The following SEC22C variants were observed in gnomAD, a reference collection of about 807,000 sequenced individuals.
The protein encoded by SEC22C is SEC22 homolog C, vesicle trafficking protein.
A neutral mutation model predicts 34.7 loss-of-function variants in SEC22C; 29 were observed. The observed-to-expected ratio is 0.84, with a 90% CI of 0.62 to 1.14. The LOEUF (loss-of-function observed/expected upper bound fraction) is 1.14, where lower values mean the gene tolerates loss of function less well. SEC22C is among the 50% of genes most tolerant of loss of function. The pLI is 0.00. For synonymous variants in SEC22C, 117 were observed against 132.8 expected (o/e 0.88, Z 0.82); for missense variants, 337 against 369.0 (o/e 0.91, Z 0.71).
Position 42,552,528 on chromosome 3 carries a change from G to A in SEC22C, c.*720C>T, listed in dbSNP as rs545590264. 88 of 980,344 alleles carry A rather than the reference G, an allele frequency of 9.0e-5. No individual in the cohort carries two copies. The Admixed American group carries it at 2.0e-3, about 23-fold the overall frequency. The allele number at this position is 980,344 out of a possible 1,614,324, so 60.7% of individuals were successfully genotyped here. A position where few individuals can be genotyped will look rare whatever the true frequency, so the allele number is the denominator to read the frequency against. On this transcript the variant is annotated 3_prime_UTR_variant, in exon 7 of 7. Transcript: ENST00000264454. Reference sequence around the variant, plus strand: ...TATTCAATTAATTTTTAAAATATTCGGATATACCCTGCAAATAAATATAAA... The same window carrying A: ...TATTCAATTAATTTTTAAAATATTCAGATATACCCTGCAAATAAATATAAA...
chr3:42,566,452 GA>G (rs1703246782), intron 2 of SEC22C, among the ~76,000 whole-genome samples: 1 of 152,158 alleles, frequency 6.6e-6, no homozygotes, highest in African/African-American at 2.4e-5. Flanking sequence ...CGAGGCAGGA[GA>G]ATCACGAGGT....
At chr3:42,597,639 G>A (rs944234312) in intron 1 of SEC22C, among the ~76,000 whole-genome samples, 1 of 151,962 alleles carries the variant, frequency 6.6e-6, no homozygotes, top group African/African-American at 2.4e-5. Flanking sequence ...GCCACCCAGG[G>A]GCCACATGTG....
intron 1 of SEC22C, among the ~76,000 whole-genome samples, chr3:42,573,111 C>G (rs980967415): frequency 6.6e-6 from 1 of 152,108 alleles, no homozygotes; most frequent in East Asian, 1.9e-4. Flanking sequence ...CTCGGCCTCT[C>G]AAAGTGGCGG....
At chr3:42,599,609 G>C (rs1187415071) in intron 1 of SEC22C, among the ~76,000 whole-genome samples, 2 of 150,614 alleles carry the variant, frequency 1.3e-5, no homozygotes, top group Non-Finnish European at 3.0e-5. Context: ...GGAGAATGGC[G>C]TGAACCCGGG....
intron 1 of SEC22C, among the ~76,000 whole-genome samples, chr3:42,569,359 G>C (rs1038212329): frequency 5.9e-5 from 9 of 152,144 alleles, no homozygotes; most frequent in African/African-American, 2.2e-4. Context: ...GAAAGGAATA[G>C]AGAAGAACGG....
At chr3:42,563,970 C>T in intron 2 of SEC22C, 2 of 1,320,044 alleles carry the variant, frequency 1.5e-6, no homozygotes, top group South Asian at 2.5e-5. Flanking sequence ...TAGCCTCAGA[C>T]TTCTCCACAT....
chr3:42,567,117 C>T (rs1379541319), intron 2 of SEC22C, among the ~76,000 whole-genome samples: 3 of 152,104 alleles, frequency 2.0e-5, no homozygotes, highest in Non-Finnish European at 4.4e-5. Context: ...TATCATATTG[C>T]CCAGGCTGGT....
At chr3:42,574,572 T>C (rs1703846485) in intron 1 of SEC22C, among the ~76,000 whole-genome samples, 1 of 152,148 alleles carries the variant, frequency 6.6e-6, no homozygotes. Context: ...TTCTAAATTA[T>C]GTTCGGTGAA....
At position 42,550,464 on chromosome 3, in the gene SEC22C, G is replaced by A. The variant is rs342534; in HGVS notation, c.*2784C>T. ...AAACCTAAGCCTGGGGATTTCCCTC[G>A]GATGAAATCACCAGAACTTCTTTCC... On this transcript the variant is annotated 3_prime_UTR_variant, in exon 7 of 7. Coordinates refer to ENST00000264454, the MANE Select transcript of SEC22C (RefSeq NM_032970.4). 192,338 of 985,122 alleles carry A rather than the reference G, an allele frequency of 0.2. 20,043 individuals carry two copies. Among genetic ancestry groups the A allele is most frequent in the East Asian group, 0.47 (4,164 of 8,800 alleles). 61.0% of individuals were successfully genotyped at this position (985,122 alleles called of 1,614,324 possible).
intron 1 of SEC22C, among the ~76,000 whole-genome samples, chr3:42,581,585 GC>G (rs1319989585): frequency 6.6e-6 from 1 of 152,264 alleles, no homozygotes; most frequent in East Asian, 1.9e-4. Context: ...AGCCCTTGGC[GC>G]CCATCTGTCA....
chr3:42,564,950 GTCTC>G (rs1703144304), intron 2 of SEC22C, among the ~76,000 whole-genome samples: 2 of 152,054 alleles, frequency 1.3e-5, no homozygotes, highest in African/African-American at 4.8e-5. Flanking sequence ...AGAGATGGGG[GTCTC>G]TCTATGTTGC....
chr3:42,554,493 C>T (rs550157489), intron 6 of SEC22C, among the ~76,000 whole-genome samples: 8 of 152,228 alleles, frequency 5.3e-5, no homozygotes, highest in Non-Finnish European at 7.4e-5. Context: ...TACAGGTATG[C>T]ACCACCATAA....
Position 42,557,569 on chromosome 3 carries a change from AAAG to A in SEC22C, c.645+6_645+8del, listed in dbSNP as rs1702602803. ...ATTTAAACTGTTTTAAAAAAAAAAA[AAAG>A]GTTACCTGTAAAGAATGTTCTGCAA... On this transcript the variant is annotated splice_donor_region_variant and intron_variant, in intron 5 of 6. Coordinates refer to ENST00000264454, the MANE Select transcript of SEC22C (RefSeq NM_032970.4). 3 of 1,378,130 alleles carry A rather than the reference AAAG, an allele frequency of 2.2e-6. No individual in the cohort carries two copies. The highest frequency in any genetic ancestry group is 2.4e-5 in the East Asian group (1 of 42,246). 85.4% of individuals were successfully genotyped at this position (1,378,130 alleles called of 1,614,324 possible).
chr3:42,590,885 G>A, intron 1 of SEC22C: 1 of 1,613,556 alleles, frequency 6.2e-7, no homozygotes, highest in South Asian at 1.1e-5. Context: ...CGTGGTTCCG[G>A]AGGTTCCTCG....
chr3:42,600,992 G>T (rs1312991823), exon 1 of SEC22C: 11 of 1,549,678 alleles, frequency 7.1e-6, no homozygotes, highest in Non-Finnish European at 9.6e-6. Context: ...AGCTCTTGCC[G>T]CCACCTCGGT....
chr3:42,551,303 CT>C lies in SEC22C; in HGVS notation c.*1944del. The C allele has an allele frequency of 1.0e-6, 1 of 985,310 alleles. No homozygotes were observed. The highest frequency in any genetic ancestry group is 1.2e-6 in the Non-Finnish European group (1 of 829,920). The allele number at this position is 985,310 out of a possible 1,614,324, so 61.0% of individuals were successfully genotyped here. A position where few individuals can be genotyped will look rare whatever the true frequency, so the allele number is the denominator to read the frequency against. ...AGATGTGAAATCAGTGTAGAGACAA[CT>C]TTGGAGTTTATGTCTGAGTATGCTG... On this transcript the variant is annotated 3_prime_UTR_variant, in exon 7 of 7. Transcript: ENST00000264454.
At chr3:42,565,476 CAA>C (rs1703180591) in intron 2 of SEC22C, among the ~76,000 whole-genome samples, 1 of 152,064 alleles carries the variant, frequency 6.6e-6, no homozygotes, top group Non-Finnish European at 1.5e-5. Flanking sequence ...TTTGTCCCCC[CAA>C]AAAGATTTAC....
chr3:42,568,563 T>C (rs1421195477), intron 2 of SEC22C, among the ~76,000 whole-genome samples: 3 of 151,824 alleles, frequency 2.0e-5, no homozygotes, highest in African/African-American at 7.3e-5. Flanking sequence ...CGAGAACTGC[T>C]TGAACCCAGG....
intron 3 of SEC22C, among the ~76,000 whole-genome samples, chr3:42,563,119 T>C (rs1703021475): frequency 6.6e-6 from 1 of 152,250 alleles, no homozygotes; most frequent in South Asian, 2.1e-4. Flanking sequence ...ACATGGTCTC[T>C]GTCACAACTC....
Sources: gnomAD v4.1 joint callset for allele counts (sites outside exome capture counted in the v4.1 genomes callset) on GRCh38, gnomAD v4.1.1 for gene constraint, MANE v1.5 for transcripts, NCBI Gene and HGNC (gene_info 2026-07-23, HGNC 2026-07-21) for gene names.